Variants in ARSG observed in about 807,000 individuals in gnomAD.
ARSG encodes ASG.
A neutral mutation model predicts 50.5 loss-of-function variants in ARSG; 37 were observed. That is an observed-to-expected ratio of 0.73 (90% confidence interval 0.56 to 0.96). The LOEUF (loss-of-function observed/expected upper bound fraction) is 0.96. ARSG is among the 50% of genes least tolerant of loss of function. ARSG has a pLI of 0.00. For synonymous variants in ARSG, 225 were observed against 254.6 expected (o/e 0.88, Z 1.11); for missense variants, 629 against 675.3 (o/e 0.93, Z 0.76).
At chr17:68,357,573 A>C (rs1295699406) in intron 6 of ARSG, among the ~76,000 whole-genome samples, 1 of 152,230 alleles carries the variant, frequency 6.6e-6, no homozygotes, top group Non-Finnish European at 1.5e-5. Flanking sequence ...ATATACCGTA[A>C]CATTCACAGA....
chr17:68,427,149 G>A (rs942429680), downstream of ARSG: 3 of 1,614,000 alleles, frequency 1.9e-6, no homozygotes, highest in Non-Finnish European at 2.5e-6. Flanking sequence ...CACCGTGGAG[G>A]CTGAAGATGC....
chr17:68,371,110 G>A (rs1013878769), intron 8 of ARSG, among the ~76,000 whole-genome samples: 2 of 152,074 alleles, frequency 1.3e-5, no homozygotes, highest in Non-Finnish European at 2.9e-5. Flanking sequence ...CACGAGGTCA[G>A]GAGATGGAGA....
At chr17:68,437,949 A>AAAAC in the ARSG span, among the ~76,000 whole-genome samples, 1 of 37,762 alleles carries the variant, frequency 2.6e-5, no homozygotes, top group Non-Finnish European at 4.9e-5. Context: ...CATCTCTCTT[A>AAAAC]AAAAAAAAAA....
chr17:68,278,499 G>C (rs2075595030), intron 1 of ARSG, among the ~76,000 whole-genome samples: 1 of 152,054 alleles, frequency 6.6e-6, no homozygotes, highest in African/African-American at 2.4e-5. Flanking sequence ...ATCCAGGCTA[G>C]AGTGCAGTGG....
At position 68,381,730 on chromosome 17, in the gene ARSG, C is replaced by T. The variant is rs1009331370; in HGVS notation, c.983-3334C>T. 6.6e-6 allele frequency among the ~76,000 whole-genome samples: 1 copy of T among 152,180 alleles called. No homozygotes were observed. Among genetic ancestry groups the T allele is most frequent in the Non-Finnish European group, 1.5e-5 (1 of 68,042 alleles). ...CTTCCCTGGGAATGAGTGCTCTCCC[C>T]ACTAAATCCCCAGGAGGGTTTTAGA... On this transcript the variant is annotated intron_variant, in intron 8 of 11. Transcript: ENST00000621439. This position sits in a 1 kb window ranked among gnomAD's most constrained non-coding sequence, Gnocchi z 4.1.
intron 9 of ARSG, among the ~76,000 whole-genome samples, chr17:68,385,557 C>T (rs1433853595): frequency 2.1e-4 from 5 of 24,178 alleles, no homozygotes; most frequent in East Asian, 3.1e-3. Context: ...AGAGGGGAGG[C>T]GAGGGGAGGG....
In ARSG at chr17:68,307,527, G is replaced by T; in HGVS notation, c.34G>T (p.Gly12Ter). The T allele has an allele frequency of 6.2e-7, 1 of 1,614,084 alleles. No homozygotes were observed. Among genetic ancestry groups the T allele is most frequent in the Non-Finnish European group, 8.5e-7 (1 of 1,179,972 alleles). ...GCTTTTTCTAAAGGTTTTGTTGGCG[G>T]GAGTGAGTTTCTCAGGATTTCTTTA... ...GWLFLKVLLAGVSFSGFLYPL... is the reference protein window; with the variant it reads ...GWLFLKVLLA The change falls in exon 2 of 12, where the codon GGA becomes TGA. Residue 12 changes from glycine to a stop codon, truncating the protein, a stop_gained. Coordinates refer to ENST00000621439, the MANE Select transcript of ARSG (RefSeq NM_001267727.2). LOFTEE classifies it high-confidence loss of function.
intron 1 of ARSG, among the ~76,000 whole-genome samples, chr17:68,259,940 C>T (rs1385346751): frequency 1.3e-5 from 2 of 152,078 alleles, no homozygotes; most frequent in Non-Finnish European, 2.9e-5. Flanking sequence ...TCAGTACAGC[C>T]GGTGTTGACA....
chr17:68,444,674 G>T, the ARSG span: 2 of 1,119,462 alleles, frequency 1.8e-6, no homozygotes, highest in Non-Finnish European at 2.6e-6. Context: ...TTTCATATGA[G>T]TCCTAACTTG....
Position 68,307,464 on chromosome 17 carries a change from CCA to C in ARSG, c.-29_-28del. The C allele has an allele frequency of 6.3e-7, 1 of 1,582,648 alleles. No individual in the cohort carries two copies. ...ATCTCTAGTGGTGGCTGCCGTCGCT[CCA>C]GACAATCGGAATCCTGCCTTCACCA... On this transcript the variant is annotated 5_prime_UTR_variant, in exon 2 of 12. Transcript: ENST00000621439.
At chr17:68,276,957 T>C (rs1465871779) in intron 1 of ARSG, among the ~76,000 whole-genome samples, 1 of 152,186 alleles carries the variant, frequency 6.6e-6, no homozygotes, top group Non-Finnish European at 1.5e-5. Flanking sequence ...TATTATGTAA[T>C]GATGAATCAG....
At chr17:68,421,621 G>T, downstream of ARSG, 1 of 1,070,722 alleles carries the variant, frequency 9.3e-7, no homozygotes, top group Non-Finnish European at 1.4e-6. Flanking sequence ...TTGGTGAGGA[G>T]TTAACCAGGT....
intron 1 of ARSG, among the ~76,000 whole-genome samples, chr17:68,262,402 C>T (rs1412968038): frequency 3.3e-5 from 5 of 152,028 alleles, no homozygotes; most frequent in African/African-American, 4.8e-5. Flanking sequence ...GCCTGGGAGG[C>T]GGAGGTTGCA....
chr17:68,333,966 C>G (rs2077902120), intron 2 of ARSG, among the ~76,000 whole-genome samples: 1 of 152,004 alleles, frequency 6.6e-6, no homozygotes, highest in South Asian at 2.1e-4. Flanking sequence ...TACCCAAGGC[C>G]CCCAGTGATG....
At chr17:68,268,253 TTAA>T (rs1201963376) in intron 1 of ARSG, 1 of 152,592 alleles carries the variant, frequency 6.6e-6, no homozygotes, top group Admixed American at 6.6e-5. Flanking sequence ...CTAGAATAAC[TTAA>T]TAATAAATAG....
chr17:68,276,558 C>T (rs782038320), intron 1 of ARSG, among the ~76,000 whole-genome samples: 2 of 152,140 alleles, frequency 1.3e-5, no homozygotes, highest in Non-Finnish European at 2.9e-5. Context: ...AAGCAATTCT[C>T]GCTCTGCAGC....
Position 68,368,670 on chromosome 17 carries a change from T to C in ARSG, c.827T>C (p.Met276Thr), listed in dbSNP as rs149548617. Residue 276 changes from methionine to threonine, a missense_variant, in exon 7 of 12, where the codon ATG (methionine) becomes ACG (threonine). Physicochemically the swap from Met to Thr is moderately conservative, Grantham distance 81. Transcript: ENST00000621439. ...RSLYGAGLWE[M>T]DSLVGQIKDK... The stretch of plus-strand genomic sequence containing the variant: ...CTGTATGGTGCAGGGCTCTGGGAGA[T>C]GGACAGTCTGGTGGGCCAGATCAAG... The C allele has an allele frequency of 4.0e-4, 649 of 1,613,992 alleles. 3 individuals are homozygous for C. Among genetic ancestry groups the C allele is most frequent in the Non-Finnish European group, 5.1e-4 (596 of 1,180,000 alleles).
chr17:68,273,843 G>C (rs782796627), intron 1 of ARSG: 106 of 1,471,376 alleles, frequency 7.2e-5, no homozygotes, highest in Non-Finnish European at 9.3e-5. Flanking sequence ...AAGAAATATA[G>C]TTTGGCTTTA....
In ARSG at chr17:68,345,879, C is replaced by CT. The variant is rs1459943845; in HGVS notation, c.407-1240dup. Among the ~76,000 whole-genome samples, 5 of 152,070 alleles carry CT rather than the reference C, an allele frequency of 3.3e-5. No individual in the cohort carries two copies. The South Asian group carries it at 8.3e-4, about 25-fold the overall frequency. The stretch of plus-strand genomic sequence containing the variant: ...TAATGCTTAATACATTTCTCTCAAT[C>CT]TTTTTTATTTATTTGGGACAAAGTC... On this transcript the variant is annotated intron_variant, in intron 3 of 11. Transcript: ENST00000621439.
Sources: gnomAD v4.1 joint callset for allele counts (sites outside exome capture counted in the v4.1 genomes callset) on GRCh38, gnomAD v4.1.1 for gene constraint, Gnocchi (gnomAD v3.1) non-coding constraint, MANE v1.5 for transcripts, NCBI Gene and HGNC (gene_info 2026-07-23, HGNC 2026-07-21) for gene names.